SLIT3: variants seen among roughly 807,000 people sequenced by gnomAD.
SLIT3 encodes slit homolog 3 protein.
Under a neutral mutation model 184.0 loss-of-function variants are expected in SLIT3, and 68 were observed. The ratio of observed to expected loss-of-function variants is 0.37; its 90% CI spans 0.30 to 0.45. The LOEUF (loss-of-function observed/expected upper bound fraction) is 0.45, where lower values mean the gene tolerates loss of function less well. Among genes scored for constraint, SLIT3 ranks in the 20% least tolerant of loss-of-function variants. The pLI is 1.00. For synonymous variants in SLIT3, 831 were observed against 828.6 expected, an observed-to-expected ratio of 1.00 and a Z score of -0.05; for missense variants, 1,707 against 2,026.0, an observed-to-expected ratio of 0.84 and a Z score of 3.02.
At chr5:168,967,913 G>C (rs562895390) in intron 4 of SLIT3, among the ~76,000 whole-genome samples, 80 of 152,308 alleles carry the variant, frequency 5.3e-4, no homozygotes, top group African/African-American at 1.8e-3. Flanking sequence ...CTCCAGTAGA[G>C]ATTTCAGACA....
At chr5:169,229,314 G>C (rs1001154667) in intron 3 of SLIT3, among the ~76,000 whole-genome samples, 1 of 152,126 alleles carries the variant, frequency 6.6e-6, no homozygotes, top group Non-Finnish European at 1.5e-5. Flanking sequence ...GGGAAAGAGC[G>C]AGGCCCAACT....
intron 14 of SLIT3, chr5:168,768,310 C>G: frequency 2.1e-6 from 1 of 470,998 alleles, no homozygotes; most frequent in Non-Finnish European, 4.4e-6. Flanking sequence ...TCAGAGGAAG[C>G]AGCGTGGAGA....
intron 6 of SLIT3, among the ~76,000 whole-genome samples, chr5:168,825,548 A>G (rs576187553): frequency 3.3e-5 from 5 of 152,118 alleles, no homozygotes; most frequent in Non-Finnish European, 7.3e-5. Flanking sequence ...CAAAATTTAC[A>G]TTGCCTGCTC....
At chr5:169,176,486 A>G (rs1410725389) in intron 4 of SLIT3, among the ~76,000 whole-genome samples, 4 of 152,238 alleles carry the variant, frequency 2.6e-5, no homozygotes, top group Non-Finnish European at 5.9e-5. Flanking sequence ...AATACAGAGT[A>G]AGTGATAACC....
chr5:168,921,854 G>A (rs528250326), intron 4 of SLIT3, among the ~76,000 whole-genome samples: 5 of 152,284 alleles, frequency 3.3e-5, no homozygotes, highest in African/African-American at 1.2e-4. Context: ...AACCTTTACT[G>A]AGCACATACT....
At chr5:169,141,562 AC>A (rs1761741540) in intron 4 of SLIT3, among the ~76,000 whole-genome samples, 1 of 151,208 alleles carries the variant, frequency 6.6e-6, no homozygotes, top group Non-Finnish European at 1.5e-5. Flanking sequence ...ACACGGTGAA[AC>A]CCTGTGTCTA....
chr5:169,287,038 GGGAA>G (rs1767171819), intron 1 of SLIT3, among the ~76,000 whole-genome samples: 1 of 152,220 alleles, frequency 6.6e-6, no homozygotes, highest in Non-Finnish European at 1.5e-5. Flanking sequence ...GGAAGCTTAT[GGGAA>G]ATGTTTCAGA....
chr5:169,147,875 A>G (rs1245045225), intron 4 of SLIT3, among the ~76,000 whole-genome samples: 1 of 152,152 alleles, frequency 6.6e-6, no homozygotes, highest in African/African-American at 2.4e-5. Flanking sequence ...ACTGCCATGA[A>G]AACAGAGCTG....
At chr5:169,076,163 G>A (rs1758732397) in intron 4 of SLIT3, among the ~76,000 whole-genome samples, 1 of 152,234 alleles carries the variant, frequency 6.6e-6, no homozygotes, top group Admixed American at 6.5e-5. Context: ...TCTGGCACTG[G>A]CCAAAGTGAG....
At chr5:169,064,822 GA>G (rs1758292111) in intron 4 of SLIT3, among the ~76,000 whole-genome samples, 1 of 152,134 alleles carries the variant, frequency 6.6e-6, no homozygotes, top group African/African-American at 2.4e-5. Context: ...TAGACTCCCA[GA>G]ACGTTACACC....
intron 1 of SLIT3, among the ~76,000 whole-genome samples, chr5:169,278,159 C>T (rs1376829580): frequency 6.6e-6 from 1 of 152,134 alleles, no homozygotes; most frequent in African/African-American, 2.4e-5. Flanking sequence ...TCTGGAACTC[C>T]CATATAGAAG....
rs754193937 is a variant in SLIT3 at position 168,844,591 on chromosome 5, C to G, written c.550G>C (p.Glu184Gln). ...ATCGCAAAATCAACTCACAGGATCTCCAAATCGCGCAGCGCTCGGAAGGCT... is the reference window on the plus strand; with the variant it reads ...ATCGCAAAATCAACTCACAGGATCTGCAAATCGCGCAGCGCTCGGAAGGCT... ...DGAFRALRDL[E>Q]ILTLNNNNIS... is the part of the protein sequence containing the mutation. The change falls in exon 6 of 36, where the codon GAG becomes CAG. Residue 184 changes from glutamate (E) to glutamine (Q), a missense_variant. Glu to Gln is a conservative substitution (Grantham distance 29). Around this residue, in one of 3 missense-constraint regions of SLIT3, gnomAD observed 1,307 missense variants for 1,511.6 expected, o/e 0.86. Transcript: ENST00000519560. 42 of 1,614,044 alleles carry G rather than the reference C, an allele frequency of 2.6e-5. No individual in the cohort carries two copies. Among genetic ancestry groups the G allele is most frequent in the Non-Finnish European group, 3.4e-5 (40 of 1,180,038 alleles).
At chr5:169,103,273 A>G (rs1760084476) in intron 4 of SLIT3, among the ~76,000 whole-genome samples, 1 of 152,228 alleles carries the variant, frequency 6.6e-6, no homozygotes, top group South Asian at 2.1e-4. Flanking sequence ...TTATTTACCC[A>G]TCACATTGTG....
intron 2 of SLIT3, among the ~76,000 whole-genome samples, chr5:169,247,670 T>A (rs921766037): frequency 7.2e-5 from 11 of 152,192 alleles, no homozygotes; most frequent in African/African-American, 2.7e-4. Context: ...AGAAGTTTTT[T>A]TTTTCCCTCC....
intron 4 of SLIT3, among the ~76,000 whole-genome samples, chr5:168,913,683 G>A (rs1450012268): frequency 6.7e-6 from 1 of 149,838 alleles, no homozygotes; most frequent in Non-Finnish European, 1.5e-5. Context: ...AGAGGTTGCA[G>A]TGAGCCCAGA....
chr5:169,297,882 G>T (rs368433668), intron 1 of SLIT3, among the ~76,000 whole-genome samples: 20 of 152,376 alleles, frequency 1.3e-4, no homozygotes, highest in South Asian at 4.1e-4. Flanking sequence ...TAACAGGCAT[G>T]AGCCACTGCG....
intron 4 of SLIT3, among the ~76,000 whole-genome samples, chr5:169,106,094 A>T (rs1760197035): frequency 6.6e-6 from 1 of 152,074 alleles, no homozygotes; most frequent in Non-Finnish European, 1.5e-5. Flanking sequence ...TAGCTAATGA[A>T]TGCCTGGCTT....
Position 169,301,041 on chromosome 5 carries a change from G to T in SLIT3, c.-332C>A. ...CGAGCGCAATGGGGCGTGGCGCCCGGGGAGGTCCGGCTTGGGGCTGGGCTG... is the reference window on the plus strand; with the variant it reads ...CGAGCGCAATGGGGCGTGGCGCCCGTGGAGGTCCGGCTTGGGGCTGGGCTG... On this transcript the variant is annotated 5_prime_UTR_variant, in exon 1 of 36. Coordinates refer to ENST00000519560, the MANE Select transcript of SLIT3 (RefSeq NM_003062.4). 1 of 154,610 alleles carries T rather than the reference G, an allele frequency of 6.5e-6. No homozygotes were observed. Among genetic ancestry groups the T allele is most frequent in the South Asian group, 1.9e-4 (1 of 5,372 alleles). 9.6% of individuals were successfully genotyped at this position (154,610 alleles called of 1,614,324 possible). A position where few individuals can be genotyped will look rare whatever the true frequency, so the allele number is the denominator to read the frequency against.
chr5:169,257,363 C>T (rs1269333397), intron 1 of SLIT3, among the ~76,000 whole-genome samples: 8 of 129,122 alleles, frequency 6.2e-5, no homozygotes, highest in Non-Finnish European at 9.9e-5. Flanking sequence ...ATCCCCACAG[C>T]CCCCCACCCC....
Sources: gnomAD v4.1 joint callset for allele counts (sites outside exome capture counted in the v4.1 genomes callset) on GRCh38, gnomAD v4.1.1 for gene constraint, gnomAD v4.1.1 regional missense constraint, MANE v1.5 for transcripts, NCBI Gene and HGNC (gene_info 2026-07-23, HGNC 2026-07-21) for gene names.